ATRNL1: variants seen among roughly 807,000 people sequenced by gnomAD.
ATRNL1 encodes attractin-like protein 1.
Under a neutral mutation model 182.7 loss-of-function variants are expected in ATRNL1, and 95 were observed. The observed-to-expected ratio is 0.52, with a 90% CI of 0.44 to 0.62. The LOEUF (loss-of-function observed/expected upper bound fraction) is 0.62, where lower values mean the gene tolerates loss of function less well. Among genes scored for constraint, ATRNL1 ranks in the 20% least tolerant of loss-of-function variants. The pLI, the probability that ATRNL1 is intolerant of heterozygous loss-of-function variation, is 0.00. For synonymous variants in ATRNL1, 576 were observed against 568.3 expected (o/e 1.01, Z -0.19); for missense variants, 1,471 against 1,679.5 (o/e 0.88, Z 2.17).
intron 28 of ATRNL1, among the ~76,000 whole-genome samples, chr10:115,923,326 T>C (rs1555119141): frequency 1.3e-5 from 2 of 152,218 alleles, no homozygotes; most frequent in East Asian, 1.9e-4. Context: ...AGGTATAGAA[T>C]GTACAGGTTT....
At chr10:115,096,842 A>G (rs1479384161) in intron 1 of ATRNL1, 2 of 1,124,014 alleles carry the variant, frequency 1.8e-6, no homozygotes, top group Non-Finnish European at 2.2e-6. Flanking sequence ...TTACACAGGT[A>G]AAACAAAAGG....
In ATRNL1 at chr10:115,230,442, A is replaced by T. The variant is rs374764866; in HGVS notation, c.1533-11129A>T. On this transcript the variant is annotated intron_variant, in intron 9 of 28. Coordinates refer to ENST00000355044, the MANE Select transcript of ATRNL1 (RefSeq NM_207303.4). ...GTCCAGCTAGTGCAAAAGCCTTGAG[A>T]TGGGAACATCCTTGTCATCTGGAAC... Among the ~76,000 whole-genome samples the T allele has an allele frequency of 7.9e-4, 121 of 152,270 alleles. 2 individuals carry two copies. The South Asian group carries it at 0.024, about 31-fold the overall frequency.
intron 9 of ATRNL1, among the ~76,000 whole-genome samples, chr10:115,217,586 A>G (rs782726829): frequency 3.0e-4 from 45 of 152,308 alleles, no homozygotes; most frequent in Admixed American, 5.2e-4. Context: ...GTTGTTGCTC[A>G]CTACTTGAAT....
At chr10:115,717,693 A>G (rs1401546239) in intron 26 of ATRNL1, among the ~76,000 whole-genome samples, 1 of 151,770 alleles carries the variant, frequency 6.6e-6, no homozygotes, top group Non-Finnish European at 1.5e-5. Context: ...CTGGGACTAC[A>G]GGCGTGTGCC....
At chr10:115,531,337 G>C (rs1851568850) in intron 25 of ATRNL1, among the ~76,000 whole-genome samples, 1 of 151,948 alleles carries the variant, frequency 6.6e-6, no homozygotes, top group Non-Finnish European at 1.5e-5. Context: ...GTGTGAGATG[G>C]TATCTCATTG....
At chr10:115,908,039 T>C (rs1952555747) in intron 28 of ATRNL1, among the ~76,000 whole-genome samples, 1 of 152,206 alleles carries the variant, frequency 6.6e-6, no homozygotes, top group Non-Finnish European at 1.5e-5. Context: ...TATTTCTAAT[T>C]CTCATTTTTC....
intron 24 of ATRNL1, among the ~76,000 whole-genome samples, chr10:115,491,181 A>C (rs1849283132): frequency 6.6e-6 from 1 of 152,070 alleles, no homozygotes; most frequent in Non-Finnish European, 1.5e-5. Context: ...CCCTACTGCA[A>C]GGTGTCTCCC....
rs781847286 is a variant in ATRNL1 at position 115,300,070 on chromosome 10, A to G, written c.2452A>G (p.Ile818Val). 4 of 1,613,978 alleles carry G rather than the reference A, an allele frequency of 2.5e-6. No individual in the cohort carries two copies. The highest frequency in any genetic ancestry group is 3.4e-6 in the Non-Finnish European group (4 of 1,179,854). Residue 818 changes from isoleucine (I) to valine (V), a missense_variant, in exon 16 of 29, where the codon ATA (isoleucine) becomes GTA (valine). This residue lies in a region of ATRNL1 where 1,031 missense variants were observed against 1,156.0 expected (regional missense o/e 0.89). Coordinates refer to ENST00000355044, the MANE Select transcript of ATRNL1 (RefSeq NM_207303.4). Reference sequence around the variant, plus strand: ...TTGGGTAGGCTTGCGCAAGATCAATATATCCTATTGGGGATGGGAAGACAT... The same window carrying G: ...TTGGGTAGGCTTGCGCAAGATCAATGTATCCTATTGGGGATGGGAAGACAT... ...SPWVGLRKIN[I>V]SYWGWEDMSP...
intron 21 of ATRNL1, among the ~76,000 whole-genome samples, chr10:115,459,418 C>G (rs565184089): frequency 1.3e-5 from 2 of 152,198 alleles, no homozygotes; most frequent in South Asian, 4.1e-4. Flanking sequence ...AAAGAGAATG[C>G]GCACCTAGGG....
intron 15 of ATRNL1, among the ~76,000 whole-genome samples, chr10:115,293,507 T>C (rs558842198): frequency 6.6e-6 from 1 of 152,180 alleles, no homozygotes; most frequent in Non-Finnish European, 1.5e-5. Flanking sequence ...TTTGTAGTGA[T>C]ATGGTTTTAT....
chr10:115,146,577 CTA>C (rs781793579), intron 5 of ATRNL1, among the ~76,000 whole-genome samples: 3 of 152,032 alleles, frequency 2.0e-5, no homozygotes, highest in Non-Finnish European at 4.4e-5. Flanking sequence ...TATCTTCTAA[CTA>C]TATGTTTGTA....
chr10:115,924,584 C>A (rs782357904), intron 28 of ATRNL1, among the ~76,000 whole-genome samples: 1 of 152,028 alleles, frequency 6.6e-6, no homozygotes, highest in Non-Finnish European at 1.5e-5. Flanking sequence ...TTTCTGAGGT[C>A]TCTGTTCTGT....
chr10:115,251,679 A>G (rs577386156), intron 10 of ATRNL1, among the ~76,000 whole-genome samples: 1 of 152,172 alleles, frequency 6.6e-6, no homozygotes, highest in Non-Finnish European at 1.5e-5. Context: ...TTCTGGCATC[A>G]CATAGTGTAT....
chr10:115,315,225 C>A (rs1205383303), intron 17 of ATRNL1, among the ~76,000 whole-genome samples: 1 of 152,100 alleles, frequency 6.6e-6, no homozygotes, highest in Non-Finnish European at 1.5e-5. Context: ...AGTTCTAGTA[C>A]TGCCAAAATT....
chr10:115,353,639 CT>C (rs782443996), intron 19 of ATRNL1, among the ~76,000 whole-genome samples: 3 of 152,128 alleles, frequency 2.0e-5, no homozygotes, highest in Admixed American at 1.3e-4. Flanking sequence ...TACATTTTCT[CT>C]TCCTTTCTTC....
At chr10:115,680,780 G>A (rs1387875982) in intron 26 of ATRNL1, among the ~76,000 whole-genome samples, 1 of 152,144 alleles carries the variant, frequency 6.6e-6, no homozygotes, top group Non-Finnish European at 1.5e-5. Context: ...GAAAGCAATA[G>A]CTATATATAT....
At chr10:115,422,219 G>A (rs1428805523) in intron 20 of ATRNL1, among the ~76,000 whole-genome samples, 3 of 152,152 alleles carry the variant, frequency 2.0e-5, no homozygotes. Flanking sequence ...AAGAGCTTCT[G>A]CATGGCAAAC....
chr10:115,425,071 A>G, intron 20 of ATRNL1, among the ~76,000 whole-genome samples: 1 of 152,192 alleles, frequency 6.6e-6, no homozygotes, highest in East Asian at 1.9e-4. Flanking sequence ...ATATACAGTA[A>G]AATTTACTCT....
At chr10:115,801,207 A>G (rs144395716) in intron 27 of ATRNL1, among the ~76,000 whole-genome samples, 34 of 152,294 alleles carry the variant, frequency 2.2e-4, no homozygotes, top group South Asian at 1.0e-3. Context: ...ATAATGGTAT[A>G]CTAGTTAACC....
Sources: allele counts gnomAD v4.1 joint callset (sites outside exome capture counted in the v4.1 genomes callset), GRCh38; gene constraint gnomAD v4.1.1; regional missense constraint gnomAD v4.1.1; transcripts MANE v1.5; gene names NCBI Gene and HGNC (gene_info 2026-07-23, HGNC 2026-07-21).